The following ADGRL3 variants were observed in gnomAD, a reference collection of about 807,000 sequenced individuals.
The protein encoded by ADGRL3 is calcium-independent alpha-latrotoxin receptor 3.
ADGRL3 carries 62 observed loss-of-function variants against 153.5 expected under a neutral mutation model. The ratio of observed to expected loss-of-function variants is 0.40; its 90% CI spans 0.33 to 0.50. The LOEUF (loss-of-function observed/expected upper bound fraction) is 0.50, where lower values mean the gene tolerates loss of function less well. Ranked by LOEUF, ADGRL3 falls within the 20% of genes least tolerant of loss-of-function variation. ADGRL3 has a pLI of 0.47. For missense variants in ADGRL3, 1,641 were observed against 1,859.4 expected (o/e 0.88, Z 2.16); for synonymous variants, 710 against 672.5 (o/e 1.06, Z -0.86).
At chr4:61,326,923 T>C (rs1435677881) in intron 1 of ADGRL3, among the ~76,000 whole-genome samples, 1 of 152,012 alleles carries the variant, frequency 6.6e-6, no homozygotes. Flanking sequence ...GTCCACAATA[T>C]AAATATATAT....
intron 5 of ADGRL3, among the ~76,000 whole-genome samples, chr4:61,664,243 G>C (rs373804767): frequency 6.6e-6 from 1 of 152,068 alleles, no homozygotes; most frequent in Non-Finnish European, 1.5e-5. Flanking sequence ...CATTCTGTAG[G>C]TGTTATGTAA....
chr4:61,513,543 G>T (rs1213128219), intron 3 of ADGRL3, among the ~76,000 whole-genome samples: 2 of 151,960 alleles, frequency 1.3e-5, no homozygotes, highest in African/African-American at 4.8e-5. Flanking sequence ...CATTATAGTA[G>T]GTTATGAAAT....
At chr4:62,055,065 T>C (rs1452114224) in intron 25 of ADGRL3, among the ~76,000 whole-genome samples, 1 of 151,750 alleles carries the variant, frequency 6.6e-6, no homozygotes, top group African/African-American at 2.4e-5. Context: ...GTTACTTCAA[T>C]AAATTGAAAA....
Position 61,678,908 on chromosome 4 carries a change from G to A in ADGRL3, c.583+1973G>A, listed in dbSNP as rs567049836. 3.3e-5 allele frequency among the ~76,000 whole-genome samples: 5 copies of A among 152,104 alleles called. No homozygotes were observed. In the South Asian group the frequency reaches 8.3e-4, roughly 25 times the overall value. On this transcript the variant is annotated intron_variant, in intron 6 of 26. Coordinates refer to ENST00000683033, the MANE Select transcript of ADGRL3 (RefSeq NM_001387552.1). ...TGAAAAGAAAATAATCCAAAAGAAA[G>A]TATAAATCATAAAATAAACTATAGT...
chr4:61,970,898 G>A (rs1477088571), intron 17 of ADGRL3, among the ~76,000 whole-genome samples: 2 of 152,156 alleles, frequency 1.3e-5, no homozygotes, highest in East Asian at 3.9e-4. Flanking sequence ...TGGTTCTCAA[G>A]AGTTAGATCA....
At chr4:61,343,412 G>A (rs2151176238) in intron 1 of ADGRL3, among the ~76,000 whole-genome samples, 1 of 152,168 alleles carries the variant, frequency 6.6e-6, no homozygotes, top group South Asian at 2.1e-4. Flanking sequence ...AGTACTCTCA[G>A]AAACCTTGCT....
Position 61,329,570 on chromosome 4 carries a change from A to G in ADGRL3, c.-239-53554A>G, listed in dbSNP as rs1395219141. On this transcript the variant is annotated intron_variant, in intron 1 of 26. Coordinates refer to ENST00000683033, the MANE Select transcript of ADGRL3 (RefSeq NM_001387552.1). ...AATAAAATCACTTGGCAGCTACACA[A>G]AAATAAATTTTGTTAAATTGTTCTC... is the stretch of plus-strand genomic sequence containing the variant. Among the ~76,000 whole-genome samples the G allele has an allele frequency of 2.0e-5, 3 of 152,186 alleles. No homozygotes were observed. The East Asian group carries it at 5.8e-4, about 29-fold the overall frequency.
chr4:61,347,060 T>G (rs2095931182), intron 1 of ADGRL3, among the ~76,000 whole-genome samples: 1 of 152,062 alleles, frequency 6.6e-6, no homozygotes, highest in Non-Finnish European at 1.5e-5. Flanking sequence ...GAGCTTCTTG[T>G]AAGTGTATAG....
At chr4:61,222,879 G>A (rs12499198) in intron 1 of ADGRL3, among the ~76,000 whole-genome samples, 13,981 of 152,130 alleles carry the variant, frequency 0.092, 1,187 homozygotes, top group East Asian at 0.48. Flanking sequence ...TGAGAGGTCC[G>A]ATATTATGGT....
chr4:61,281,188 GTT>G (rs35904600), intron 1 of ADGRL3, among the ~76,000 whole-genome samples: 2 of 151,314 alleles, frequency 1.3e-5, no homozygotes. Context: ...AAAGGTAATA[GTT>G]TTTTTTTAAG....
Position 61,741,497 on chromosome 4 carries a change from G to A in ADGRL3, c.1399+7943G>A, listed in dbSNP as rs962913307. On this transcript the variant is annotated intron_variant, in intron 8 of 26. Transcript: ENST00000683033. ...CCAGTGCTGCTTCTTTGCTTGCAGTGACAGCTGCTGCCTGAAGGACATTGC... is the reference window on the plus strand; with the variant it reads ...CCAGTGCTGCTTCTTTGCTTGCAGTAACAGCTGCTGCCTGAAGGACATTGC... Among the ~76,000 whole-genome samples, 318 of 152,314 alleles carry A rather than the reference G, an allele frequency of 2.1e-3. 6 individuals are homozygous for A. The highest frequency in any genetic ancestry group is 5.8e-4 in the East Asian group (3 of 5,186).
chr4:61,556,465 G>T (rs1293469930), intron 4 of ADGRL3, among the ~76,000 whole-genome samples: 1 of 152,046 alleles, frequency 6.6e-6, no homozygotes, highest in Non-Finnish European at 1.5e-5. Flanking sequence ...AGGTGTTAGG[G>T]CAGAGTAAGG....
chr4:61,467,263 A>T (rs578133755), intron 2 of ADGRL3, among the ~76,000 whole-genome samples: 1 of 152,160 alleles, frequency 6.6e-6, no homozygotes, highest in Non-Finnish European at 1.5e-5. Flanking sequence ...TTGAACATCA[A>T]TGTCAAAGCT....
chr4:61,239,785 A>G (rs1163192935), intron 1 of ADGRL3, among the ~76,000 whole-genome samples: 1 of 152,106 alleles, frequency 6.6e-6, no homozygotes, highest in Non-Finnish European at 1.5e-5. Context: ...TATCACTTTC[A>G]TTCAAAATAG....
chr4:61,262,409 G>A (rs1050622521), intron 1 of ADGRL3, among the ~76,000 whole-genome samples: 2 of 151,868 alleles, frequency 1.3e-5, no homozygotes, highest in African/African-American at 4.8e-5. Flanking sequence ...TATCAGTTAT[G>A]GTTTTACCAG....
At chr4:61,859,253 A>T (rs958662476) in intron 9 of ADGRL3, among the ~76,000 whole-genome samples, 3 of 152,212 alleles carry the variant, frequency 2.0e-5, no homozygotes, top group Non-Finnish European at 4.4e-5. Flanking sequence ...TTTCATTTAA[A>T]ACCTGAAGTT....
Position 61,738,496 on chromosome 4 carries a change from C to T in ADGRL3, c.1399+4942C>T, listed in dbSNP as rs148668592. On this transcript the variant is annotated intron_variant, in intron 8 of 26. Transcript: ENST00000683033. Reference sequence around the variant, plus strand: ...CTTTTAGTTCTTTAAGGAATCTCTACACTGTTTTCCATAGTGGCTGTACTA... The same window carrying T: ...CTTTTAGTTCTTTAAGGAATCTCTATACTGTTTTCCATAGTGGCTGTACTA... Among the ~76,000 whole-genome samples, 811 of 152,214 alleles carry T rather than the reference C, an allele frequency of 5.3e-3. 9 individuals are homozygous for T. Among genetic ancestry groups the T allele is most frequent in the African/African-American group, 0.018 (747 of 41,536 alleles).
chr4:61,909,131 A>T (rs1001705489), intron 11 of ADGRL3, among the ~76,000 whole-genome samples: 1 of 152,216 alleles, frequency 6.6e-6, no homozygotes, highest in Non-Finnish European at 1.5e-5. Flanking sequence ...TTAGTAGCTG[A>T]TGAGTATTCA....
chr4:61,326,268 A>G (rs1056949462), intron 1 of ADGRL3, among the ~76,000 whole-genome samples: 1 of 152,140 alleles, frequency 6.6e-6, no homozygotes. Flanking sequence ...TTTTTCCTCT[A>G]GGACCTAAAT....
Sources: gnomAD v4.1 joint callset for allele counts (sites outside exome capture counted in the v4.1 genomes callset) on GRCh38, gnomAD v4.1.1 for gene constraint, MANE v1.5 for transcripts, NCBI Gene and HGNC (gene_info 2026-07-23, HGNC 2026-07-21) for gene names.